DAOA: variants seen among roughly 807,000 people sequenced by gnomAD.
DAOA encodes D-amino acid oxidase activator.
A neutral mutation model predicts 16.4 loss-of-function variants in DAOA; 15 were observed. The observed-to-expected ratio is 0.91, with a 90% confidence interval of 0.61 to 1.41. DAOA has a LOEUF of 1.41. Ranked by LOEUF, DAOA falls within the 40% of genes most tolerant of loss-of-function variation. The probability of loss-of-function intolerance (pLI) is 0.00; values close to 1 mark genes in which losing one functional copy is unlikely to be tolerated. For synonymous variants in DAOA, 75 were observed against 59.1 expected (o/e 1.27, Z -1.23); for missense variants, 230 against 176.8 (o/e 1.30, Z -1.71).
At chr13:105,468,936 A>G (rs1291456284) in intron 3 of DAOA, among the ~76,000 whole-genome samples, 1 of 152,242 alleles carries the variant, frequency 6.6e-6, no homozygotes, top group African/African-American at 2.4e-5. Flanking sequence ...TGTTAGCTGT[A>G]AATAGACATG....
At chr13:105,482,671 C>T (rs888418463) in intron 4 of DAOA, among the ~76,000 whole-genome samples, 1 of 151,958 alleles carries the variant, frequency 6.6e-6, no homozygotes, top group African/African-American at 2.4e-5. Context: ...CCACGTCTGG[C>T]TACTTTTTGT....
chr13:105,484,253 C>T (rs1037741745), intron 4 of DAOA, among the ~76,000 whole-genome samples: 1 of 151,792 alleles, frequency 6.6e-6, no homozygotes, highest in African/African-American at 2.4e-5. Flanking sequence ...ATGCTAATAA[C>T]TGTCTTAAAA....
chr13:105,476,473 G>A (rs1207036295), intron 4 of DAOA, among the ~76,000 whole-genome samples: 2 of 139,708 alleles, frequency 1.4e-5, no homozygotes, highest in South Asian at 2.3e-4. Flanking sequence ...GTTATAAAAC[G>A]TTCACTTGTA....
chr13:105,469,414 T>C (rs773147956), intron 3 of DAOA, among the ~76,000 whole-genome samples: 5 of 152,244 alleles, frequency 3.3e-5, no homozygotes, highest in Non-Finnish European at 7.3e-5. Flanking sequence ...TATCCAATCC[T>C]ATTTTATTTC....
At position 105,490,000 on chromosome 13, in the gene DAOA, A is replaced by G. The variant is rs1000939317; in HGVS notation, c.381A>G (p.Glu127=). The change falls in exon 5 of 6, where the codon GAA becomes GAG. Residue 127 remains glutamate (E), a synonymous_variant. Coordinates refer to ENST00000375936, the MANE Select transcript of DAOA (RefSeq NM_172370.5). The part of the protein sequence containing the change: ...EASKDRRQPL[E]RMWTCNYNQQ... ...CTAAGGACCGCAGGCAGCCTCTAGA[A>G]CGAATGTGGACCTGCAACTACAACC... 2 of 1,612,886 alleles carry G rather than the reference A, an allele frequency of 1.2e-6. No individual in the cohort carries two copies.
At chr13:105,466,633 T>C (rs1317151320) in intron 2 of DAOA, among the ~76,000 whole-genome samples, 2 of 152,214 alleles carry the variant, frequency 1.3e-5, no homozygotes, top group Admixed American at 6.5e-5. Flanking sequence ...CTTTCCATTG[T>C]TATAAACCAC....
chr13:105,475,182 T>C (rs1192711499), intron 4 of DAOA: 1 of 283,964 alleles, frequency 3.5e-6, no homozygotes, highest in East Asian at 1.8e-4. Flanking sequence ...CACACTCTCA[T>C]TTAATATATC....
intron 4 of DAOA, among the ~76,000 whole-genome samples, chr13:105,473,152 TGA>T (rs1234854965): frequency 1.0e-5 from 1 of 96,102 alleles, no homozygotes; most frequent in Non-Finnish European, 2.5e-5. Context: ...ACTGCCTACG[TGA>T]GAGTGTGTGT....
intron 4 of DAOA, among the ~76,000 whole-genome samples, chr13:105,483,308 T>C (rs904939165): frequency 6.6e-5 from 10 of 152,232 alleles, no homozygotes; most frequent in Non-Finnish European, 1.3e-4. Context: ...AAAGATGTGA[T>C]AATTTGTGTA....
intron 4 of DAOA, among the ~76,000 whole-genome samples, chr13:105,483,054 C>T (rs1312199128): frequency 5.9e-5 from 9 of 152,012 alleles, no homozygotes; most frequent in Admixed American, 5.2e-4. Context: ...TTTCCCTCTC[C>T]TTCCTCTCCC....
intron 4 of DAOA, among the ~76,000 whole-genome samples, chr13:105,477,820 A>C (rs1471005483): frequency 5.9e-5 from 9 of 152,218 alleles, no homozygotes; most frequent in Non-Finnish European, 1.2e-4. Context: ...ATTCCTAAAA[A>C]TAGGCACATA....
At chr13:105,484,861 G>A (rs1348858951) in intron 4 of DAOA, among the ~76,000 whole-genome samples, 1 of 152,100 alleles carries the variant, frequency 6.6e-6, no homozygotes, top group Non-Finnish European at 1.5e-5. Flanking sequence ...ATTGAAAGCA[G>A]ACAATATTGT....
intron 2 of DAOA, 80 bp downstream of exon 2, chr13:105,466,412 T>C: frequency 1.2e-6 from 2 of 1,603,668 alleles, no homozygotes; most frequent in Admixed American, 3.4e-5. Context: ...GCTCCCAGGG[T>C]GAATGTTCCT....
intron 4 of DAOA, among the ~76,000 whole-genome samples, chr13:105,484,293 G>T (rs1421194694): frequency 6.6e-6 from 1 of 151,704 alleles, no homozygotes; most frequent in Non-Finnish European, 1.5e-5. Flanking sequence ...TGTTCTTTTA[G>T]AAAAGTGTTA....
rs560897175 is a variant in DAOA at position 105,487,281 on chromosome 13, T to C, written c.282-2620T>C. On this transcript the variant is annotated intron_variant, in intron 4 of 5. Transcript: ENST00000375936. ...ACTCCTCATGGTGCACTCCTCTCCT[T>C]CCCCAGGCTTTTGCTGTTGTTCTGT... 5.3e-5 allele frequency among the ~76,000 whole-genome samples: 8 copies of C among 152,270 alleles called. No individual in the cohort carries two copies. The East Asian group carries it at 1.5e-3, about 29-fold the overall frequency.
chr13:105,466,840 T>C (rs1337240973), intron 2 of DAOA, among the ~76,000 whole-genome samples: 1 of 152,026 alleles, frequency 6.6e-6, no homozygotes, highest in Non-Finnish European at 1.5e-5. Context: ...ACCAACTGTA[T>C]GACTGAGCAA....
intron 2 of DAOA, among the ~76,000 whole-genome samples, chr13:105,466,596 A>G (rs1396881759): frequency 6.6e-6 from 1 of 152,150 alleles, no homozygotes; most frequent in Non-Finnish European, 1.5e-5. Flanking sequence ...AAAGAGTTTG[A>G]ATCTTTAATC....
Position 105,489,885 on chromosome 13 carries a change from C to T in DAOA, c.282-16C>T, listed in dbSNP as rs1878392411. ...TTTCACAAGACCTGGCCAACTGAGA[C>T]CGGATCTCCTTACAGGCTTGAAGAA... On this transcript the variant is annotated splice_polypyrimidine_tract_variant and intron_variant, in intron 4 of 5. Transcript: ENST00000375936. The T allele has an allele frequency of 1.9e-6, 3 of 1,613,736 alleles. No homozygotes were observed. The highest frequency in any genetic ancestry group is 2.5e-6 in the Non-Finnish European group (3 of 1,179,868).
At chr13:105,485,266 A>T (rs1044520108) in intron 4 of DAOA, among the ~76,000 whole-genome samples, 3 of 152,196 alleles carry the variant, frequency 2.0e-5, no homozygotes, top group African/African-American at 7.2e-5. Flanking sequence ...ACAGCTCCAC[A>T]TAAAAATTTC....
Sources: allele counts gnomAD v4.1 joint callset (sites outside exome capture counted in the v4.1 genomes callset), GRCh38; gene constraint gnomAD v4.1.1; transcripts MANE v1.5; gene names NCBI Gene and HGNC (gene_info 2026-07-23, HGNC 2026-07-21).